Variants in FAM161A observed in about 807,000 individuals in gnomAD.
The protein encoded by FAM161A is protein FAM161A.
FAM161A carries 57 observed loss-of-function variants against 70.9 expected under a neutral mutation model. That is an observed-to-expected ratio of 0.80 (90% CI 0.65 to 1.00). The LOEUF (loss-of-function observed/expected upper bound fraction) is 1.00, where lower values mean the gene tolerates loss of function less well. Ranked by LOEUF, FAM161A falls within the 50% of genes least tolerant of loss-of-function variation. FAM161A has a pLI of 0.00. For synonymous variants in FAM161A, 299 were observed against 295.7 expected, an observed-to-expected ratio of 1.01 and a Z score of -0.12; for missense variants, 880 against 836.0, an observed-to-expected ratio of 1.05 and a Z score of -0.65.
chr2:61,848,689 A>T (rs1235249251), intron 1 of FAM161A, among the ~76,000 whole-genome samples: 1 of 148,274 alleles, frequency 6.7e-6, no homozygotes, highest in East Asian at 2.0e-4. Context: ...TTTTGAAAAA[A>T]TTTTTTTCGC....
rs374218426 is a variant in FAM161A at position 61,839,712 on chromosome 2, A to G, written c.1292T>C (p.Phe431Ser). The G allele has an allele frequency of 1.4e-5, 23 of 1,614,028 alleles. No homozygotes were observed. In the African/African-American group the frequency reaches 2.8e-4, roughly 20 times the overall value. ...CTGGTATCTCTCAGGAAGGTCCTCAAAATCAGGAGTTGGGCACCTAACCTT... is the reference window on the plus strand; with the variant it reads ...CTGGTATCTCTCAGGAAGGTCCTCAGAATCAGGAGTTGGGCACCTAACCTT... ...KHKVRCPTPD[F>S]EDLPERYQKH... Residue 431 changes from phenylalanine to serine, a missense_variant, in exon 3 of 7, where the codon TTT becomes TCT. Physicochemically the swap from Phe to Ser is radical, Grantham distance 155. Coordinates refer to ENST00000404929, the MANE Select transcript of FAM161A (RefSeq NM_001201543.2).
At chr2:61,802,984 C>T in the FAM161A span, among the ~76,000 whole-genome samples, 2 of 152,056 alleles carry the variant, frequency 1.3e-5, no homozygotes, top group Non-Finnish European at 2.9e-5. Flanking sequence ...CAAGAAAGTT[C>T]GAATTCTGGG....
the FAM161A span, among the ~76,000 whole-genome samples, chr2:61,801,161 C>A: frequency 6.6e-6 from 1 of 152,076 alleles, no homozygotes; most frequent in African/African-American, 2.4e-5. Context: ...TCACGGGAAA[C>A]AATTTTCCTC....
intron 5 of FAM161A, among the ~76,000 whole-genome samples, chr2:61,831,453 C>CA (rs1241685253): frequency 6.6e-6 from 1 of 152,174 alleles, no homozygotes; most frequent in Non-Finnish European, 1.5e-5. Flanking sequence ...TCTCAACACA[C>CA]ATCTGTAATT....
At position 61,826,572 on chromosome 2, in the gene FAM161A, T is replaced by C. The variant is rs1173442153; in HGVS notation, c.2034A>G (p.Glu678=). ...AATAATTTTCTTCCCCATTCTCTCT[T>C]TCTTCTATTTTTTCTTCTTCATTAA... ...ESFNEEEKIE[E]RENGEENYFI... The change falls in exon 7 of 7, where the codon GAA becomes GAG. Residue 678 remains glutamate (E), a synonymous_variant. Transcript: ENST00000404929. 1 of 1,600,404 alleles carries C rather than the reference T, an allele frequency of 6.2e-7. No individual in the cohort carries two copies. Among genetic ancestry groups the C allele is most frequent in the Non-Finnish European group, 8.5e-7 (1 of 1,170,544 alleles).
At chr2:61,836,947 C>CTT (rs796242618) in intron 4 of FAM161A, 43 of 161,554 alleles carry the variant, frequency 2.7e-4, no homozygotes, top group African/African-American at 9.8e-4. Flanking sequence ...CTGACTGCAG[C>CTT]TTTGACTTCC....
At chr2:61,833,213 A>C (rs1672646734) in intron 5 of FAM161A, among the ~76,000 whole-genome samples, 1 of 152,154 alleles carries the variant, frequency 6.6e-6, no homozygotes, top group African/African-American at 2.4e-5. Context: ...TCATCAGGTC[A>C]GGAGTTCGAG....
At chr2:61,847,141 G>T in intron 1 of FAM161A, 1 of 260,066 alleles carries the variant, frequency 3.8e-6, no homozygotes, top group South Asian at 3.5e-5. Flanking sequence ...TAGCCTGGGT[G>T]ACAGAGTGAG....
the FAM161A span, chr2:61,803,498 G>A: frequency 5.5e-6 from 3 of 544,136 alleles, no homozygotes. Context: ...GATGTTATCT[G>A]CGGCCATTGA....
At chr2:61,821,872 C>T (rs1017665498), downstream of FAM161A, among the ~76,000 whole-genome samples, 2 of 151,912 alleles carry the variant, frequency 1.3e-5, no homozygotes, top group Non-Finnish European at 2.9e-5. Context: ...CAGGTTCAAG[C>T]GATTCTCCTG....
At position 61,827,140 on chromosome 2, in the gene FAM161A, T is replaced by C; in HGVS notation, c.1970A>G (p.Asn657Ser). ...TTCAGTGACACTTTTCGTCTCTTGA[T>C]TGTTGAAGTACTCAAGTACTTTTCC... is the stretch of plus-strand genomic sequence containing the variant. ...QSGKVLEYFN[N>S]QETKSVTEDK... Residue 657 changes from asparagine (N) to serine (S), a missense_variant, in exon 6 of 7, where the codon AAT becomes AGT. Physicochemically the swap from Asn to Ser is conservative, Grantham distance 46. Coordinates refer to ENST00000404929, the MANE Select transcript of FAM161A (RefSeq NM_001201543.2). The C allele has an allele frequency of 1.9e-6, 3 of 1,614,000 alleles. No homozygotes were observed. The highest frequency in any genetic ancestry group is 2.5e-6 in the Non-Finnish European group (3 of 1,179,994).
At chr2:61,835,875 A>C (rs1672749399) in intron 5 of FAM161A, 135 bp downstream of exon 5, 3 of 734,412 alleles carry the variant, frequency 4.1e-6, no homozygotes, top group Non-Finnish European at 7.2e-6. Flanking sequence ...GATATGATGA[A>C]GCCAACACAA....
the FAM161A span, among the ~76,000 whole-genome samples, chr2:61,807,940 C>G: frequency 7.2e-5 from 11 of 152,314 alleles, no homozygotes; most frequent in African/African-American, 2.6e-4. Context: ...TGTGTCCAGC[C>G]AGACTCCATT....
chr2:61,811,012 C>A, the FAM161A span, among the ~76,000 whole-genome samples: 3 of 152,202 alleles, frequency 2.0e-5, no homozygotes, highest in Non-Finnish European at 4.4e-5. Flanking sequence ...GCAATACCAT[C>A]CTCCAATTGC....
chr2:61,828,946 T>G (rs1672475047), intron 5 of FAM161A, among the ~76,000 whole-genome samples: 1 of 152,144 alleles, frequency 6.6e-6, no homozygotes, highest in Admixed American at 6.5e-5. Context: ...GGATCTGAAC[T>G]GTTAGAGGGC....
the FAM161A span, among the ~76,000 whole-genome samples, chr2:61,811,659 C>A: frequency 2.6e-5 from 4 of 152,138 alleles, no homozygotes; most frequent in African/African-American, 4.8e-5. Flanking sequence ...AGGCATGAAC[C>A]ACTGCGCCTG....
chr2:61,802,985 G>A, the FAM161A span, among the ~76,000 whole-genome samples: 275 of 152,220 alleles, frequency 1.8e-3, no homozygotes, highest in African/African-American at 5.7e-3. Flanking sequence ...AAGAAAGTTC[G>A]AATTCTGGGA....
the FAM161A span, among the ~76,000 whole-genome samples, chr2:61,806,331 C>T: frequency 6.6e-6 from 1 of 152,198 alleles, no homozygotes; most frequent in African/African-American, 2.4e-5. Context: ...TGTTTAAAAA[C>T]TCACATTATT....
At chr2:61,820,597 C>T, downstream of FAM161A, 1 of 708,546 alleles carries the variant, frequency 1.4e-6, no homozygotes. Context: ...TGCTAGGTAA[C>T]TGGTATTAAG....
Sources: allele counts gnomAD v4.1 joint callset (sites outside exome capture counted in the v4.1 genomes callset), GRCh38; gene constraint gnomAD v4.1.1; transcripts MANE v1.5; gene names NCBI Gene and HGNC (gene_info 2026-07-23, HGNC 2026-07-21).